ZMYND11: variants seen among roughly 807,000 people sequenced by gnomAD.
ZMYND11 encodes zinc finger MYND-type containing 11, also known as zinc finger MYND domain-containing protein 11.
A neutral mutation model predicts 84.9 loss-of-function variants in ZMYND11; 9 were observed. That is an observed-to-expected ratio of 0.11 (90% confidence interval 0.06 to 0.18). The LOEUF is 0.18. Ranked by LOEUF, ZMYND11 falls within the 10% of genes least tolerant of loss-of-function variation. ZMYND11 has a pLI of 1.00. For synonymous variants in ZMYND11, 250 were observed against 244.1 expected (o/e 1.02, Z -0.23); for missense variants, 409 against 761.0 (o/e 0.54, Z 5.44).
chr10:145,968 GA>G lies in ZMYND11; in HGVS notation c.-20+10411del, dbSNP rs1838731194. Among the ~76,000 whole-genome samples, 3 of 152,252 alleles carry G rather than the reference GA, an allele frequency of 2.0e-5. No individual in the cohort carries two copies. The East Asian group carries it at 5.8e-4, about 29-fold the overall frequency. ...AATTCTTTGTCTAGACCATTGTCCAGAAGGGTTTTTCCTATGGTTTCTTCTA... is the reference window on the plus strand; with the variant it reads ...AATTCTTTGTCTAGACCATTGTCCAGAGGGTTTTTCCTATGGTTTCTTCTA... On this transcript the variant is annotated intron_variant, in intron 1 of 14. Transcript: ENST00000381604.
chr10:228,583 T>G (rs947480866), intron 4 of ZMYND11, among the ~76,000 whole-genome samples: 1 of 152,246 alleles, frequency 6.6e-6, no homozygotes, highest in African/African-American at 2.4e-5. Context: ...ATTGGCTGGA[T>G]GTCAGCCCCG....
intron 1 of ZMYND11, among the ~76,000 whole-genome samples, chr10:160,014 C>G (rs782427814): frequency 2.0e-5 from 3 of 152,166 alleles, no homozygotes; most frequent in African/African-American, 4.8e-5. Context: ...ACCCCCAAAG[C>G]AGTATTGAGT....
chr10:147,520 T>A (rs1350265066), intron 1 of ZMYND11, among the ~76,000 whole-genome samples: 12 of 151,828 alleles, frequency 7.9e-5, no homozygotes, highest in Admixed American at 1.3e-4. Context: ...TGTGCCTTTT[T>A]AAATTTTTTT....
chr10:171,965 G>T (rs1845429484), intron 1 of ZMYND11, among the ~76,000 whole-genome samples: 1 of 152,190 alleles, frequency 6.6e-6, no homozygotes, highest in Admixed American at 6.5e-5. Context: ...AGTTCTGCAT[G>T]CTGGGAAGTC....
At position 210,339 on chromosome 10, in the gene ZMYND11, C is replaced by T. The variant is rs543831018; in HGVS notation, c.276+291C>T. ...ACTTCATGGCATTCCTAAGTGTTTT[C>T]GTCAATAAATATTAGCAAAAAATGT... is the stretch of plus-strand genomic sequence containing the variant. On this transcript the variant is annotated intron_variant, in intron 3 of 14. Coordinates refer to ENST00000381604, the MANE Select transcript of ZMYND11 (RefSeq NM_001370100.5). Among the ~76,000 whole-genome samples the T allele has an allele frequency of 1.1e-3, 165 of 152,276 alleles. 2 individuals carry two copies. Among genetic ancestry groups the T allele is most frequent in the South Asian group, 3.3e-3 (16 of 4,816 alleles).
At chr10:188,424 C>CAA (rs112104422) in intron 2 of ZMYND11, among the ~76,000 whole-genome samples, 1 of 139,072 alleles carries the variant, frequency 7.2e-6, no homozygotes, top group African/African-American at 2.7e-5. Context: ...CCCATCTCTA[C>CAA]AAAAAAAAAA....
intron 2 of ZMYND11, among the ~76,000 whole-genome samples, chr10:196,629 A>G (rs1183878412): frequency 6.6e-6 from 1 of 152,216 alleles, no homozygotes; most frequent in Non-Finnish European, 1.5e-5. Flanking sequence ...TTGTGTACTA[A>G]TATACTAAGA....
At chr10:211,035 AT>A (rs1945127124) in intron 3 of ZMYND11, among the ~76,000 whole-genome samples, 2 of 151,738 alleles carry the variant, frequency 1.3e-5, no homozygotes, top group Admixed American at 6.6e-5. Context: ...CTACAAAAAA[AT>A]AAAAAATTAG....
chr10:168,568 T>G (rs1186609557), intron 1 of ZMYND11, among the ~76,000 whole-genome samples: 1 of 152,130 alleles, frequency 6.6e-6, no homozygotes, highest in African/African-American at 2.4e-5. Flanking sequence ...GTATTTTCAT[T>G]TAATGCCACA....
intron 1 of ZMYND11, among the ~76,000 whole-genome samples, chr10:143,840 A>G (rs1473447459): frequency 6.6e-6 from 1 of 152,158 alleles, no homozygotes; most frequent in Non-Finnish European, 1.5e-5. Flanking sequence ...TGTTTCAGGT[A>G]AGAAACTGCC....
intron 1 of ZMYND11, among the ~76,000 whole-genome samples, chr10:170,013 G>C (rs1050108379): frequency 5.9e-5 from 9 of 151,964 alleles, no homozygotes; most frequent in African/African-American, 2.2e-4. Flanking sequence ...TGTCAGAAAA[G>C]TAAACTTGAA....
Position 199,338 on chromosome 10 carries a change from C to T in ZMYND11, c.117-10551C>T, listed in dbSNP as rs181306236. Among the ~76,000 whole-genome samples, 243 of 138,112 alleles carry T rather than the reference C, an allele frequency of 1.8e-3. 1 individual carries two copies. Among genetic ancestry groups the T allele is most frequent in the African/African-American group, 5.6e-3 (213 of 38,058 alleles). 90.6% of individuals were successfully genotyped at this position (138,112 alleles called of 152,430 possible). A position where few individuals can be genotyped will look rare whatever the true frequency, so the allele number is the denominator to read the frequency against. Reference sequence around the variant, plus strand: ...CCCTCCCTCCCTCCCTCTCTCCCTCCGTCTCTGTCTCTTTCTTTCTGTGTA... The same window carrying T: ...CCCTCCCTCCCTCCCTCTCTCCCTCTGTCTCTGTCTCTTTCTTTCTGTGTA... On this transcript the variant is annotated intron_variant, in intron 2 of 14. Coordinates refer to ENST00000381604, the MANE Select transcript of ZMYND11 (RefSeq NM_001370100.5).
chr10:248,543 A>G lies in ZMYND11; in HGVS notation c.1435A>G (p.Lys479Glu), dbSNP rs746566812. The G allele has an allele frequency of 6.2e-7, 1 of 1,614,010 alleles. No individual in the cohort carries two copies. Among genetic ancestry groups the G allele is most frequent in the Non-Finnish European group, 8.5e-7 (1 of 1,180,028 alleles). The change falls in exon 13 of 15, where the codon AAA (lysine) becomes GAA (glutamate). Residue 479 changes from lysine to glutamate, a missense_variant. Lys to Glu is a moderately conservative substitution (Grantham distance 56, BLOSUM62 1). Transcript: ENST00000381604. ...ATACACCAAGATCTTCAATGACTTCAAAGACCGGATGAAGTCGGACCACAA... is the reference window on the plus strand; with the variant it reads ...ATACACCAAGATCTTCAATGACTTCGAAGACCGGATGAAGTCGGACCACAA... ...DKYTKIFNDF[K>E]DRMKSDHKRE...
upstream of ZMYND11, chr10:135,448 C>A: frequency 6.6e-6 from 1 of 151,344 alleles, no homozygotes; most frequent in South Asian, 1.8e-4. The surrounding 1 kb of genome is among the most constrained non-coding windows in gnomAD (Gnocchi z 5.6). Context: ...CCCCGCCCCC[C>A]GCGCCCGTCG....
intron 1 of ZMYND11, among the ~76,000 whole-genome samples, chr10:167,281 ATAT>A (rs1291192218): frequency 2.6e-5 from 4 of 152,078 alleles, no homozygotes; most frequent in African/African-American, 7.2e-5. Flanking sequence ...AAAATAAATA[ATAT>A]TATGTTCCAA....
intron 3 of ZMYND11, among the ~76,000 whole-genome samples, chr10:212,509 G>A (rs1191322074): frequency 1.3e-5 from 2 of 150,986 alleles, no homozygotes; most frequent in Non-Finnish European, 2.9e-5. Context: ...TTAGAAAGAA[G>A]TAAGATCTCG....
chr10:162,267 ATAATT>A (rs1554762132), intron 1 of ZMYND11, among the ~76,000 whole-genome samples: 1 of 152,192 alleles, frequency 6.6e-6, no homozygotes, highest in East Asian at 1.9e-4. Context: ...GTACCCCAAA[ATAATT>A]AGTAACAGCA....
chr10:248,578 A>G lies in ZMYND11; in HGVS notation c.1470A>G (p.Thr490=), dbSNP rs1437939162. Residue 490 remains threonine (T), a synonymous_variant, in exon 13 of 15, where the codon ACA becomes ACG. Coordinates refer to ENST00000381604, the MANE Select transcript of ZMYND11 (RefSeq NM_001370100.5). ...TGAAGTCGGACCACAAGCGGGAGAC[A>G]GAGCGTGTTGTCCGAGAAGCTCTGG... The part of the protein sequence containing the change: ...DRMKSDHKRE[T]ERVVREALEK... 2.5e-6 allele frequency: 4 copies of G among 1,612,014 alleles called. No homozygotes were observed. Among genetic ancestry groups the G allele is most frequent in the Admixed American group, 1.7e-5 (1 of 59,986 alleles).
At chr10:164,633 T>C (rs1447195993) in intron 1 of ZMYND11, among the ~76,000 whole-genome samples, 1 of 152,186 alleles carries the variant, frequency 6.6e-6, no homozygotes, top group Non-Finnish European at 1.5e-5. Flanking sequence ...CAGATTCCAT[T>C]TGTCAAATCC....
Sources: allele counts gnomAD v4.1 joint callset (sites outside exome capture counted in the v4.1 genomes callset), GRCh38; gene constraint gnomAD v4.1.1; non-coding constraint Gnocchi (gnomAD v3.1); transcripts MANE v1.5; gene names NCBI Gene and HGNC (gene_info 2026-07-23, HGNC 2026-07-21).